The following ESPN variants were observed in gnomAD, a reference collection of about 807,000 sequenced individuals.
The protein encoded by ESPN is espin.
Under a neutral mutation model 77.7 loss-of-function variants are expected in ESPN, and 68 were observed. The ratio of observed to expected loss-of-function variants is 0.87; its 90% confidence interval spans 0.72 to 1.07. The LOEUF (loss-of-function observed/expected upper bound fraction) is 1.07. ESPN is among the 50% of genes least tolerant of loss of function. The pLI is 0.00. For synonymous variants in ESPN, 449 were observed against 567.1 expected (o/e 0.79, Z 2.96); for missense variants, 1,060 against 1,239.0 (o/e 0.86, Z 2.17).
chr1:6,448,825 G>A lies in ESPN; in HGVS notation c.1649G>A (p.Arg550His). The A allele has an allele frequency of 4.0e-6, 5 of 1,239,124 alleles. No homozygotes were observed. The highest frequency in any genetic ancestry group is 4.3e-5 in the Admixed American group (1 of 23,038). The allele number at this position is 1,239,124 out of a possible 1,614,324, so 76.8% of individuals were successfully genotyped here. The change falls in exon 8 of 13, where the codon CGC (arginine) becomes CAC (histidine). Residue 550 changes from arginine to histidine, a missense_variant. Arg to His is a conservative substitution (Grantham distance 29, BLOSUM62 0). This residue lies in a region of ESPN where 130 missense variants were observed against 223.9 expected (regional missense o/e 0.58). Transcript: ENST00000645284. ...GAGGTGCGTGCCCGCCAGCCCGCGC[G>A]CGCCGGCTGCCCGCGCCTCGGCCCT... is the stretch of plus-strand genomic sequence containing the variant. ...SEEVRARQPA[R>H]AGCPRLGPAA...
intron 2 of ESPN, among the ~76,000 whole-genome samples, chr1:6,431,890 C>A (rs1569594648): frequency 6.6e-6 from 1 of 152,180 alleles, no homozygotes; most frequent in Non-Finnish European, 1.5e-5. Flanking sequence ...TGCTGGTGAA[C>A]CAGACAAGCT....
Position 6,460,366 on chromosome 1 carries a change from T to A in ESPN, c.*220T>A, listed in dbSNP as rs988147389. 1.7e-6 allele frequency: 1 copy of A among 586,306 alleles called. No homozygotes were observed. The highest frequency in any genetic ancestry group is 1.9e-5 in the African/African-American group (1 of 53,562). The allele number at this position is 586,306 out of a possible 1,614,324, so 36.3% of individuals were successfully genotyped here. A position where few individuals can be genotyped will look rare whatever the true frequency, so the allele number is the denominator to read the frequency against. On this transcript the variant is annotated 3_prime_UTR_variant, in exon 13 of 13. Coordinates refer to ENST00000645284, the MANE Select transcript of ESPN (RefSeq NM_031475.3). ...TGCCCAGAAAAAGTGCCCAAGCTGC[T>A]GACGCAAACAACAACAAATGCTGCT...
At chr1:6,426,725 G>A (rs1020445826) in intron 1 of ESPN, among the ~76,000 whole-genome samples, 4 of 152,092 alleles carry the variant, frequency 2.6e-5, no homozygotes, top group Non-Finnish European at 1.5e-5. Context: ...GGAAGGGAGC[G>A]CCTTTCTCAG....
chr1:6,425,548 C>T (rs1411726803), intron 1 of ESPN, among the ~76,000 whole-genome samples: 1 of 152,244 alleles, frequency 6.6e-6, no homozygotes, highest in Non-Finnish European at 1.5e-5. Flanking sequence ...AAGCAAAGCA[C>T]TGATCCTGTA....
intron 2 of ESPN, among the ~76,000 whole-genome samples, chr1:6,432,413 G>A (rs1428240712): frequency 6.6e-6 from 1 of 152,202 alleles, no homozygotes; most frequent in Non-Finnish European, 1.5e-5. Flanking sequence ...CCGCACTGAG[G>A]AGGTGGCTGC....
In ESPN at chr1:6,425,136, C is replaced by G; in HGVS notation, c.181C>G (p.Leu61Val). Residue 61 changes from leucine (L) to valine (V), a missense_variant, in exon 1 of 13, where the codon CTC becomes GTC. Transcript: ENST00000645284. ...CLRFLVEEAA[L>V]PAAARARNGA... is the part of the protein sequence containing the mutation. ...GCGCTTCCTGGTGGAGGAAGCCGCC[C>G]TCCCCGCCGCGGCCCGCGCCCGCAA... is the stretch of plus-strand genomic sequence containing the variant. The G allele has an allele frequency of 1.3e-6, 2 of 1,508,540 alleles. No individual in the cohort carries two copies. The highest frequency in any genetic ancestry group is 2.5e-5 in the South Asian group (2 of 81,224). 93.4% of individuals were successfully genotyped at this position (1,508,540 alleles called of 1,614,324 possible).
intron 2 of ESPN, among the ~76,000 whole-genome samples, chr1:6,433,385 AG>A (rs1450119082): frequency 6.6e-6 from 1 of 152,110 alleles, no homozygotes; most frequent in Non-Finnish European, 1.5e-5. Flanking sequence ...CGGAGGTTGC[AG>A]TGAACTAAGA....
Position 6,428,416 on chromosome 1 carries a change from CTGAG to C in ESPN, c.487_488+2del, listed in dbSNP as rs1311861949. ...CTGAGGCTTCTCGTCGAGCACTACCCTGAGTAAGATCACCCCTCTTAAGGGGTCC... is the reference window on the plus strand; with the variant it reads ...CTGAGGCTTCTCGTCGAGCACTACCCTAAGATCACCCCTCTTAAGGGGTCC... On this transcript the variant is annotated splice_donor_variant and coding_sequence_variant, in exon 2 of 13. Coordinates refer to ENST00000645284, the MANE Select transcript of ESPN (RefSeq NM_031475.3). LOFTEE classifies it high-confidence loss of function. The surrounding 1 kb of genome is among the most constrained non-coding windows in gnomAD (Gnocchi z 5.4). 2.5e-6 allele frequency: 4 copies of C among 1,609,554 alleles called. No individual in the cohort carries two copies. Among genetic ancestry groups the C allele is most frequent in the Non-Finnish European group, 3.4e-6 (4 of 1,177,276 alleles).
intron 10 of ESPN, among the ~76,000 whole-genome samples, chr1:6,453,297 C>T (rs1643986670): frequency 6.6e-6 from 1 of 152,200 alleles, no homozygotes; most frequent in Admixed American, 6.5e-5. Context: ...GTGTGCGAGT[C>T]ACCAAGCACA....
At position 6,460,037 on chromosome 1, in the gene ESPN, G is replaced by T; in HGVS notation, c.2456G>T (p.Arg819Leu). The part of the protein sequence containing the change: ...EERQKQEELR[R>L]EKEQSEKLRT... ...CGACAGAAGCAGGAGGAGCTGCGGC[G>T]GGAGAAGGAACAGTCAGAGAAGCTG... The change falls in exon 13 of 13, where the codon CGG becomes CTG. Residue 819 changes from arginine to leucine, a missense_variant. Around this residue, in one of 3 missense-constraint regions of ESPN, gnomAD observed 374 missense variants for 381.4 expected, o/e 0.98. Transcript: ENST00000645284. 1 of 1,613,542 alleles carries T rather than the reference G, an allele frequency of 6.2e-7. No homozygotes were observed. Among genetic ancestry groups the T allele is most frequent in the South Asian group, 1.1e-5 (1 of 91,076 alleles).
In ESPN at chr1:6,451,429, C is replaced by T. The variant is rs779830165; in HGVS notation, c.1916-174C>T. 5 of 856,492 alleles carry T rather than the reference C, an allele frequency of 5.8e-6. No homozygotes were observed. The highest frequency in any genetic ancestry group is 7.5e-6 in the Non-Finnish European group (4 of 535,916). 53.1% of individuals were successfully genotyped at this position (856,492 alleles called of 1,614,324 possible). On this transcript the variant is annotated intron_variant, in intron 8 of 12. Transcript: ENST00000645284. This position sits in a 1 kb window ranked among gnomAD's most constrained non-coding sequence, Gnocchi z 4.3. ...CAGTCAGGGAACCAAGGGCCCGCCT[C>T]TGGGGGCCCTGAAACCTGCCTGCAG...
At chr1:6,431,094 G>C (rs1643229424) in intron 2 of ESPN, among the ~76,000 whole-genome samples, 1 of 152,230 alleles carries the variant, frequency 6.6e-6, no homozygotes, top group South Asian at 2.1e-4. Context: ...GCTGGGCAGG[G>C]CTGTGGGGGT....
chr1:6,429,956 G>A (rs12075883), intron 2 of ESPN: 9,753 of 154,032 alleles, frequency 0.063, 391 homozygotes, highest in Middle Eastern at 0.14. Flanking sequence ...CCCCACAGCA[G>A]CATGTGACTC....
chr1:6,445,965 C>T, intron 7 of ESPN, 30 bp downstream of exon 7: 1 of 1,611,166 alleles, frequency 6.2e-7, no homozygotes, highest in Non-Finnish European at 8.5e-7. Flanking sequence ...TGCCTGCCTC[C>T]CAGCAGGGGG....
intron 1 of ESPN, 151 bp downstream of exon 1, chr1:6,425,400 T>A: frequency 9.7e-7 from 1 of 1,033,900 alleles, no homozygotes; most frequent in Non-Finnish European, 1.4e-6. Flanking sequence ...GGCCCTCAAG[T>A]GAATGGGCTC....
intron 7 of ESPN, among the ~76,000 whole-genome samples, chr1:6,446,248 T>G (rs1032302412): frequency 1.3e-5 from 2 of 151,630 alleles, no homozygotes; most frequent in Admixed American, 6.6e-5. Flanking sequence ...TGTCATGGAG[T>G]TGACAGAGAA....
chr1:6,425,915 G>A (rs1044953126), intron 1 of ESPN, among the ~76,000 whole-genome samples: 1 of 152,240 alleles, frequency 6.6e-6, no homozygotes, highest in South Asian at 2.1e-4. Flanking sequence ...CCAGGCACAG[G>A]GAACAAGAAG....
intron 5 of ESPN, among the ~76,000 whole-genome samples, chr1:6,444,198 G>T (rs1299178531): frequency 2.0e-5 from 3 of 152,194 alleles, no homozygotes; most frequent in Admixed American, 6.5e-5. Context: ...TTGGGGTGCA[G>T]CTCAAGGGCC....
Position 6,444,780 on chromosome 1 carries a change from A to G in ESPN, c.1192+98A>G, listed in dbSNP as rs1643767179. 5 of 1,364,872 alleles carry G rather than the reference A, an allele frequency of 3.7e-6. No individual in the cohort carries two copies. In the African/African-American group the frequency reaches 5.7e-5, roughly 16 times the overall value. The allele number at this position is 1,364,872 out of a possible 1,614,324, so 84.5% of individuals were successfully genotyped here. A position where few individuals can be genotyped will look rare whatever the true frequency, so the allele number is the denominator to read the frequency against. On this transcript the variant is annotated intron_variant, in intron 6 of 12. Transcript: ENST00000645284. ...CTTGGGCCGCCCTGCCACAGCCAAT[A>G]TCGGACACTACCCTCATCACTTGCT...
Sources: gnomAD v4.1 joint callset for allele counts (sites outside exome capture counted in the v4.1 genomes callset) on GRCh38, gnomAD v4.1.1 for gene constraint, gnomAD v4.1.1 regional missense constraint, Gnocchi (gnomAD v3.1) non-coding constraint, MANE v1.5 for transcripts, NCBI Gene and HGNC (gene_info 2026-07-23, HGNC 2026-07-21) for gene names.